Variants in NFAT5 observed in about 807,000 individuals in gnomAD.
The protein encoded by NFAT5 is nuclear factor of activated T cells 5.
A neutral mutation model predicts 166.5 loss-of-function variants in NFAT5; 31 were observed. The observed-to-expected ratio is 0.19, with a 90% CI of 0.14 to 0.25. The LOEUF is 0.25. NFAT5 is among the 10% of genes least tolerant of loss of function. NFAT5 has a pLI of 1.00. For synonymous variants in NFAT5, 612 were observed against 639.7 expected (o/e 0.96, Z 0.65); for missense variants, 1,449 against 1,821.8 (o/e 0.80, Z 3.72).
chr16:69,661,995 G>A (rs2036165624), intron 7 of NFAT5, among the ~76,000 whole-genome samples: 1 of 152,192 alleles, frequency 6.6e-6, no homozygotes, highest in Non-Finnish European at 1.5e-5. Flanking sequence ...GGCCAAGGCA[G>A]GGGGATTGCT....
At chr16:69,659,440 C>CA (rs140974727) in intron 6 of NFAT5, among the ~76,000 whole-genome samples, 9,287 of 148,770 alleles carry the variant, frequency 0.062, 299 homozygotes, top group Middle Eastern at 0.11. Context: ...GACTCCATCT[C>CA]AAAAAAAAAG....
chr16:69,601,507 A>G (rs1389130149), intron 2 of NFAT5, among the ~76,000 whole-genome samples: 2 of 152,144 alleles, frequency 1.3e-5, no homozygotes, highest in Non-Finnish European at 2.9e-5. Flanking sequence ...GGCTAGGACT[A>G]TAGGTGTGCA....
At chr16:69,586,907 A>C (rs1010969811) in intron 2 of NFAT5, among the ~76,000 whole-genome samples, 2 of 152,182 alleles carry the variant, frequency 1.3e-5, no homozygotes, top group African/African-American at 4.8e-5. Flanking sequence ...TGTAAACCCT[A>C]CTAAGTCTGA....
intron 3 of NFAT5, among the ~76,000 whole-genome samples, chr16:69,630,918 A>G (rs1195136189): frequency 6.6e-6 from 1 of 152,202 alleles, no homozygotes; most frequent in Non-Finnish European, 1.5e-5. Context: ...TTACAGTTTT[A>G]ATCATTAAAT....
chr16:69,671,591 C>T (rs1597514915), intron 9 of NFAT5, among the ~76,000 whole-genome samples: 1 of 152,270 alleles, frequency 6.6e-6, no homozygotes, highest in Non-Finnish European at 1.5e-5. Context: ...GGATGGCCTC[C>T]ATCTCCTGAC....
chr16:69,601,526 C>T (rs889878380), intron 2 of NFAT5, among the ~76,000 whole-genome samples: 2 of 152,078 alleles, frequency 1.3e-5, no homozygotes, highest in African/African-American at 4.8e-5. Context: ...CACCACCATG[C>T]TCGGCTAATA....
intron 2 of NFAT5, among the ~76,000 whole-genome samples, chr16:69,610,052 A>G (rs1219402071): frequency 6.6e-6 from 1 of 152,016 alleles, no homozygotes; most frequent in Non-Finnish European, 1.5e-5. Flanking sequence ...TGAGTTCTTC[A>G]GTGTTGGGTC....
rs1172557504 is a variant in NFAT5 at position 69,702,210 on chromosome 16, T to C, written c.*5859T>C. ...AGCCAAGAATGCTGTATAGTGATGA[T>C]TCCTTCCTAATGAATTCATCTTAAC... On this transcript the variant is annotated 3_prime_UTR_variant, in exon 15 of 15. Coordinates refer to ENST00000349945, the MANE Select transcript of NFAT5 (RefSeq NM_138713.4). The C allele has an allele frequency of 6.5e-6, 1 of 152,702 alleles. No individual in the cohort carries two copies. The highest frequency in any genetic ancestry group is 1.5e-5 in the Non-Finnish European group (1 of 68,048). 9.5% of individuals were successfully genotyped at this position (152,702 alleles called of 1,614,324 possible). A position where few individuals can be genotyped will look rare whatever the true frequency, so the allele number is the denominator to read the frequency against.
At chr16:69,599,340 G>T (rs2032998226) in intron 2 of NFAT5, among the ~76,000 whole-genome samples, 1 of 152,202 alleles carries the variant, frequency 6.6e-6, no homozygotes, top group South Asian at 2.1e-4. Flanking sequence ...ACTTCGGGAG[G>T]CTGAGGAGGG....
intron 3 of NFAT5, among the ~76,000 whole-genome samples, chr16:69,633,260 A>C (rs1293365894): frequency 3.3e-5 from 5 of 152,196 alleles, no homozygotes; most frequent in African/African-American, 1.2e-4. Context: ...GAGTCAACAG[A>C]ACAGCATTTT....
Position 69,642,673 on chromosome 16 carries a change from C to T in NFAT5, c.254-4355C>T, listed in dbSNP as rs540877325. 4.7e-4 allele frequency among the ~76,000 whole-genome samples: 71 copies of T among 151,760 alleles called. No homozygotes were observed. The South Asian group carries it at 5.0e-3, about 11-fold the overall frequency. ...CTCTACTAAAAATACAAAAATTAGC[C>T]GGACGTGGTGGCGGGTGCCTGTAGT... On this transcript the variant is annotated intron_variant, in intron 3 of 14. Transcript: ENST00000349945.
At chr16:69,635,374 T>A (rs1231768246) in intron 3 of NFAT5, among the ~76,000 whole-genome samples, 1 of 152,172 alleles carries the variant, frequency 6.6e-6, no homozygotes, top group Non-Finnish European at 1.5e-5. Context: ...TATTTTTACT[T>A]TTTTTCTTTG....
chr16:69,609,256 A>T (rs1242706913), intron 2 of NFAT5, among the ~76,000 whole-genome samples: 1 of 152,170 alleles, frequency 6.6e-6, no homozygotes, highest in African/African-American at 2.4e-5. Flanking sequence ...AAGCCAATCC[A>T]TTTTCATTCC....
chr16:69,611,163 A>G (rs892081561), intron 2 of NFAT5, among the ~76,000 whole-genome samples: 3 of 152,144 alleles, frequency 2.0e-5, no homozygotes, highest in African/African-American at 7.2e-5. Context: ...CTTTTCATTG[A>G]TAGATTATTA....
chr16:69,578,855 T>C (rs2142921744), intron 2 of NFAT5, among the ~76,000 whole-genome samples: 1 of 152,068 alleles, frequency 6.6e-6, no homozygotes, highest in Non-Finnish European at 1.5e-5. Context: ...TTAGAAACAC[T>C]ATAAAAGTTG....
At chr16:69,588,750 C>CT (rs1355104539) in intron 2 of NFAT5, among the ~76,000 whole-genome samples, 15 of 152,062 alleles carry the variant, frequency 9.9e-5, no homozygotes, top group Non-Finnish European at 1.9e-4. Context: ...AAAAAGTGAA[C>CT]TATGAGGGGT....
chr16:69,657,955 G>A (rs2035958514), intron 6 of NFAT5, among the ~76,000 whole-genome samples: 1 of 148,534 alleles, frequency 6.7e-6, no homozygotes, highest in South Asian at 2.1e-4. Flanking sequence ...CGTGGTGGCG[G>A]GCGCCTGTAG....
At chr16:69,580,915 G>A (rs532550263) in intron 2 of NFAT5, among the ~76,000 whole-genome samples, 23 of 152,098 alleles carry the variant, frequency 1.5e-4, no homozygotes, top group Non-Finnish European at 2.9e-4. Flanking sequence ...TCGGCCTCCC[G>A]GAGAGCTGGG....
At chr16:69,679,852 C>T (rs965450276) in intron 10 of NFAT5, among the ~76,000 whole-genome samples, 8 of 152,232 alleles carry the variant, frequency 5.3e-5, no homozygotes, top group East Asian at 3.9e-4. Flanking sequence ...TGGTGGCTCA[C>T]GCCTGTAATC....
Sources: allele counts gnomAD v4.1 joint callset (sites outside exome capture counted in the v4.1 genomes callset), GRCh38; gene constraint gnomAD v4.1.1; transcripts MANE v1.5; gene names NCBI Gene and HGNC (gene_info 2026-07-23, HGNC 2026-07-21).